The following SNTB2 variants were observed in gnomAD, a reference collection of about 807,000 sequenced individuals.
The protein encoded by SNTB2 is beta-2-syntrophin.
Under a neutral mutation model 46.2 loss-of-function variants are expected in SNTB2, and 34 were observed. The ratio of observed to expected loss-of-function variants is 0.74; its 90% CI spans 0.56 to 0.98. The LOEUF is 0.98. SNTB2 is among the 50% of genes least tolerant of loss of function. The pLI is 0.00. For missense variants in SNTB2, 603 were observed against 731.4 expected, an observed-to-expected ratio of 0.82 and a Z score of 2.02; for synonymous variants, 290 against 312.6, an observed-to-expected ratio of 0.93 and a Z score of 0.76.
At position 69,299,602 on chromosome 16, in the gene SNTB2, A is replaced by G; in HGVS notation, c.1358A>G (p.Asn453Ser). 1 of 1,613,548 alleles carries G rather than the reference A, an allele frequency of 6.2e-7. No homozygotes were observed. The highest frequency in any genetic ancestry group is 8.5e-7 in the Non-Finnish European group (1 of 1,179,776). ...IKEVSLGCML[N>S]GQEVRLTIHY... ...TTTTCTTCAACAGGCTGCATGTTAA[A>G]TGGCCAAGAGGTGAGGCTTACTATT... The change falls in exon 6 of 7, where the codon AAT becomes AGT. Residue 453 changes from asparagine to serine, a missense_variant. Asn to Ser is a conservative substitution (Grantham distance 46). This residue lies in a region of SNTB2 where 537 missense variants were observed against 692.4 expected (regional missense o/e 0.78). Coordinates refer to ENST00000336278, the MANE Select transcript of SNTB2 (RefSeq NM_006750.4).
At chr16:69,282,167 AG>A (rs1327524893) in intron 4 of SNTB2, among the ~76,000 whole-genome samples, 1 of 149,656 alleles carries the variant, frequency 6.7e-6, no homozygotes, top group African/African-American at 2.4e-5. Context: ...GGCCTCCCAA[AG>A]TGCTGGAATT....
At chr16:69,189,659 CCTCA>C (rs1567392249) in intron 1 of SNTB2, among the ~76,000 whole-genome samples, 1 of 152,180 alleles carries the variant, frequency 6.6e-6, no homozygotes, top group South Asian at 2.1e-4. Context: ...ATCGTTTGAA[CCTCA>C]GAGGTGGAGG....
Position 69,301,050 on chromosome 16 carries a change from A to G in SNTB2, c.*126A>G, listed in dbSNP as rs1007303698. On this transcript the variant is annotated 3_prime_UTR_variant, in exon 7 of 7. Transcript: ENST00000336278. The stretch of plus-strand genomic sequence containing the variant: ...GTGCCTTCCCAAGGACCTGCAAATA[A>G]CTGCTGAACCATAACCGTGTTTAAA... 3.2e-6 allele frequency: 2 copies of G among 624,556 alleles called. No homozygotes were observed. Among genetic ancestry groups the G allele is most frequent in the African/African-American group, 3.7e-5 (2 of 54,080 alleles). 38.7% of individuals were successfully genotyped at this position (624,556 alleles called of 1,614,324 possible).
At chr16:69,280,007 G>A (rs1316143171) in intron 4 of SNTB2, among the ~76,000 whole-genome samples, 3 of 152,072 alleles carry the variant, frequency 2.0e-5, no homozygotes, top group African/African-American at 4.8e-5. Context: ...GGGACCCTGC[G>A]GCCTTCCGCA....
chr16:69,281,452 G>T (rs1597198874), intron 4 of SNTB2, among the ~76,000 whole-genome samples: 2 of 145,486 alleles, frequency 1.4e-5, no homozygotes, highest in South Asian at 2.2e-4. Flanking sequence ...GATCCATTTT[G>T]AGTTAATTTT....
intron 4 of SNTB2, among the ~76,000 whole-genome samples, chr16:69,278,509 G>T (rs1383715402): frequency 6.6e-6 from 1 of 150,706 alleles, no homozygotes; most frequent in African/African-American, 2.4e-5. Flanking sequence ...AGGCTGGAGG[G>T]CAGTGGTGCA....
intron 1 of SNTB2, among the ~76,000 whole-genome samples, chr16:69,216,088 T>C (rs117689229): frequency 0.018 from 2,800 of 152,268 alleles, 25 homozygotes; most frequent in Non-Finnish European, 0.026. Flanking sequence ...AATACAGGGA[T>C]TAACAGACAG....
At chr16:69,209,744 T>C (rs1469776481) in intron 1 of SNTB2, among the ~76,000 whole-genome samples, 1 of 152,210 alleles carries the variant, frequency 6.6e-6, no homozygotes, top group Non-Finnish European at 1.5e-5. Flanking sequence ...TTAGGAGATT[T>C]GCTCCTTAAT....
intron 1 of SNTB2, among the ~76,000 whole-genome samples, chr16:69,233,053 T>G (rs1039986482): frequency 6.6e-6 from 1 of 152,212 alleles, no homozygotes; most frequent in African/African-American, 2.4e-5. Context: ...TGAACTGAAC[T>G]GAAAATTCCA....
rs539569207 is a variant in SNTB2 at position 69,233,844 on chromosome 16, G to C, written c.581-11758G>C. On this transcript the variant is annotated intron_variant, in intron 1 of 6. Coordinates refer to ENST00000336278, the MANE Select transcript of SNTB2 (RefSeq NM_006750.4). ...CAAAAAAAACTAGCCAGGTACAGTG[G>C]TGCATACCTGTAGTCCTAATTACTC... 2.6e-5 allele frequency among the ~76,000 whole-genome samples: 4 copies of C among 152,132 alleles called. 1 individual carries two copies. The highest frequency in any genetic ancestry group is 2.6e-4 in the Admixed American group (4 of 15,254).
Position 69,274,092 on chromosome 16 carries a change from T to C in SNTB2, c.1148+3807T>C, listed in dbSNP as rs185040499. Among the ~76,000 whole-genome samples, 143 of 152,016 alleles carry C rather than the reference T, an allele frequency of 9.4e-4. 2 individuals carry two copies. The highest frequency in any genetic ancestry group is 3.4e-3 in the Middle Eastern group (1 of 292). ...ACTTTGGGAGGCCGAGGCTGGCGGA[T>C]CACGAGGTCAGGAGTTCAAGACCAG... On this transcript the variant is annotated intron_variant, in intron 4 of 6. Coordinates refer to ENST00000336278, the MANE Select transcript of SNTB2 (RefSeq NM_006750.4).
chr16:69,242,482 A>T (rs1351954336), intron 1 of SNTB2, among the ~76,000 whole-genome samples: 1 of 152,184 alleles, frequency 6.6e-6, no homozygotes, highest in Non-Finnish European at 1.5e-5. Flanking sequence ...TTCATTTCTT[A>T]AATACGTTTT....
chr16:69,285,218 T>G (rs1189031697), intron 5 of SNTB2, among the ~76,000 whole-genome samples: 2 of 152,186 alleles, frequency 1.3e-5, no homozygotes, highest in Non-Finnish European at 2.9e-5. Flanking sequence ...TGCTAAAATA[T>G]GGCAGCTAAA....
intron 1 of SNTB2, among the ~76,000 whole-genome samples, chr16:69,206,697 G>GAA (rs77462826): frequency 8.9e-6 from 1 of 112,636 alleles, no homozygotes; most frequent in Non-Finnish European, 1.9e-5. Flanking sequence ...ATCTCAGAAA[G>GAA]AAAAAAAAAA....
chr16:69,203,227 A>G (rs559775424), intron 1 of SNTB2, among the ~76,000 whole-genome samples: 1 of 152,100 alleles, frequency 6.6e-6, no homozygotes, highest in East Asian at 1.9e-4. Flanking sequence ...CGTGTTGGCT[A>G]GGCTGGTCTC....
At chr16:69,294,115 T>G (rs1022382098) in intron 5 of SNTB2, among the ~76,000 whole-genome samples, 4 of 152,150 alleles carry the variant, frequency 2.6e-5, no homozygotes, top group Non-Finnish European at 4.4e-5. Flanking sequence ...GCATCCAGGC[T>G]GAAGCAATCC....
At chr16:69,267,217 C>T (rs1964895370) in intron 3 of SNTB2, among the ~76,000 whole-genome samples, 1 of 151,986 alleles carries the variant, frequency 6.6e-6, no homozygotes, top group Non-Finnish European at 1.5e-5. Context: ...TGGGGTTTCA[C>T]CATGTTGGCC....
intron 1 of SNTB2, among the ~76,000 whole-genome samples, chr16:69,237,609 T>C (rs1283330969): frequency 4.1e-5 from 6 of 147,004 alleles, no homozygotes; most frequent in African/African-American, 1.5e-4. Flanking sequence ...CTTTCTTTTT[T>C]TTTTTTTTTT....
intron 1 of SNTB2, among the ~76,000 whole-genome samples, chr16:69,241,403 C>T (rs1434953052): frequency 1.3e-5 from 2 of 148,674 alleles, no homozygotes; most frequent in Non-Finnish European, 3.0e-5. Flanking sequence ...GTCTTGAACT[C>T]CTGACCTCGT....
Sources: allele counts gnomAD v4.1 joint callset (sites outside exome capture counted in the v4.1 genomes callset), GRCh38; gene constraint gnomAD v4.1.1; regional missense constraint gnomAD v4.1.1; transcripts MANE v1.5; gene names NCBI Gene and HGNC (gene_info 2026-07-23, HGNC 2026-07-21).